Variants in B3GNT6 observed in about 807,000 individuals in gnomAD.
B3GNT6 encodes the protein acetylgalactosaminyl-O-glycosyl-glycoprotein beta-1,3-N-acetylglucosaminyltransferase.
For synonymous variants in B3GNT6, 300 were observed against 270.0 expected, an observed-to-expected ratio of 1.11 and a Z score of -1.09; for missense variants, 624 against 568.6, an observed-to-expected ratio of 1.10 and a Z score of -0.99.
chr11:77,039,699 G>A lies in B3GNT6; in HGVS notation c.148G>A (p.Gly50Ser). The change falls in exon 2 of 2, where the codon GGT (glycine) becomes AGT (serine). Residue 50 changes from glycine (G) to serine (S), a missense_variant. Physicochemically the swap from Gly to Ser is moderately conservative, Grantham distance 56. Coordinates refer to ENST00000622824, the MANE Select transcript of B3GNT6 (RefSeq NM_138706.5). Reference protein sequence around the residue: ...ERSPQEETPEGPTDAPAADEP... With the variant: ...ERSPQEETPESPTDAPAADEP... Reference sequence around the variant, plus strand: ...GTCCCCGCAGGAGGAGACGCCAGAGGGTCCCACCGACGCTCCCGCGGCTGA... The same window carrying A: ...GTCCCCGCAGGAGGAGACGCCAGAGAGTCCCACCGACGCTCCCGCGGCTGA... 1 of 1,610,232 alleles carries A rather than the reference G, an allele frequency of 6.2e-7. No individual in the cohort carries two copies. The highest frequency in any genetic ancestry group is 8.5e-7 in the Non-Finnish European group (1 of 1,178,936).
At chr11:77,037,201 G>C (rs1949639475) in intron 1 of B3GNT6, 1 of 152,242 alleles carries the variant, frequency 6.6e-6, no homozygotes, top group Non-Finnish European at 1.5e-5. Flanking sequence ...GGTCGGCCGA[G>C]AGCAAGATGG....
intron 1 of B3GNT6, among the ~76,000 whole-genome samples, chr11:77,037,609 T>A (rs1949643029): frequency 6.6e-6 from 1 of 151,780 alleles, no homozygotes; most frequent in Admixed American, 6.6e-5. Context: ...CCTTCCACTA[T>A]TAAAGGTTAT....
chr11:77,036,185 G>T (rs1949631774), intron 1 of B3GNT6, among the ~76,000 whole-genome samples: 1 of 152,024 alleles, frequency 6.6e-6, no homozygotes. Context: ...CCCCAAATGT[G>T]CCAGGCACAG....
In B3GNT6 at chr11:77,036,316, C is replaced by T. The variant is rs138201553; in HGVS notation, c.-1+1838C>T. 5.3e-3 allele frequency among the ~76,000 whole-genome samples: 806 copies of T among 152,250 alleles called. 5 individuals are homozygous for T. The highest frequency in any genetic ancestry group is 9.1e-3 in the Non-Finnish European group (619 of 68,022). On this transcript the variant is annotated intron_variant, in intron 1 of 1. Coordinates refer to ENST00000622824, the MANE Select transcript of B3GNT6 (RefSeq NM_138706.5). ...GTGAAGAGCAATATACTATATAATA[C>T]TCTAGTATTTCTTATCAGCACTCAG...
Position 77,039,577 on chromosome 11 carries a change from T to C in B3GNT6, c.26T>C (p.Leu9Pro). 6.3e-7 allele frequency: 1 copy of C among 1,590,008 alleles called. No individual in the cohort carries two copies. Among genetic ancestry groups the C allele is most frequent in the Non-Finnish European group, 8.6e-7 (1 of 1,168,592 alleles). The change falls in exon 2 of 2, where the codon CTG becomes CCG. Residue 9 changes from leucine (L) to proline (P), a missense_variant. By Grantham distance (98) the Leu-to-Pro change is moderately conservative. Transcript: ENST00000622824. The part of the protein sequence containing the change: MAFPCRRS[L>P]TAKTLACLLV... ...ATGGCTTTTCCCTGCCGCAGGTCCC[T>C]GACTGCCAAGACTCTGGCCTGCCTC...
rs1555027608 is a variant in B3GNT6 at position 77,040,140 on chromosome 11, C to G, written c.589C>G (p.Leu197Val). ...GGCCTTCGCGGACACCTTCCTCAAC[C>G]TCACGCTCAAGCACCTGCACTTGCT... ...QWAFADTFLN[L>V]TLKHLHLLDW... is the part of the protein sequence containing the mutation. The change falls in exon 2 of 2, where the codon CTC becomes GTC. Residue 197 changes from leucine (L) to valine (V), a missense_variant. By Grantham distance (32) the Leu-to-Val change is conservative. Transcript: ENST00000622824. 6.3e-7 allele frequency: 1 copy of G among 1,599,016 alleles called. No homozygotes were observed. Among genetic ancestry groups the G allele is most frequent in the Non-Finnish European group, 8.5e-7 (1 of 1,179,440 alleles).
Position 77,039,763 on chromosome 11 carries a change from T to TGGCGAACGCCTC in B3GNT6, c.223_234dup (p.Ser75_Ala78dup), listed in dbSNP as rs782352908. The TGGCGAACGCCTC allele has an allele frequency of 1.9e-6, 3 of 1,592,586 alleles. No homozygotes were observed. Among genetic ancestry groups the TGGCGAACGCCTC allele is most frequent in the Admixed American group, 1.7e-5 (1 of 57,488 alleles). ...GAGCTCGTCCCCGGGCCCCCGTGCG[T>TGGCGAACGCCTC]GGCGAACGCCTCGGCGAACGCCACG... On this transcript the variant is annotated inframe_insertion, in exon 2 of 2. Transcript: ENST00000622824.
rs781853436 is a variant in B3GNT6, at chr11:77,040,174, T to A, written c.623T>A (p.Leu208Gln). 1 of 1,599,292 alleles carries A rather than the reference T, an allele frequency of 6.3e-7. No individual in the cohort carries two copies. Among genetic ancestry groups the A allele is most frequent in the African/African-American group, 1.3e-5 (1 of 74,878 alleles). Reference sequence around the variant, plus strand: ...AAGCACCTGCACTTGCTCGACTGGCTGGCTGCACGCTGCCCGCACGCGCGC... The same window carrying A: ...AAGCACCTGCACTTGCTCGACTGGCAGGCTGCACGCTGCCCGCACGCGCGC... ...TLKHLHLLDWLAARCPHARFL... is the reference protein window; with the variant it reads ...TLKHLHLLDWQAARCPHARFL... The change falls in exon 2 of 2, where the codon CTG becomes CAG. Residue 208 changes from leucine to glutamine, a missense_variant. Physicochemically the swap from Leu to Gln is moderately radical, Grantham distance 113 (BLOSUM62 -2). Transcript: ENST00000622824.
chr11:77,034,483 G>T lies in B3GNT6; in HGVS notation c.-1+5G>T. Reference sequence around the variant, plus strand: ...CTTCTCTCTCAGAGACTGCAGGTAAGCTGGGGGCCTGGGCTTCTTCCTATT... The same window carrying T: ...CTTCTCTCTCAGAGACTGCAGGTAATCTGGGGGCCTGGGCTTCTTCCTATT... On this transcript the variant is annotated splice_donor_5th_base_variant and intron_variant, in intron 1 of 1. Transcript: ENST00000622824. 6.5e-6 allele frequency: 1 copy of T among 152,858 alleles called. No homozygotes were observed. The highest frequency in any genetic ancestry group is 1.5e-5 in the Non-Finnish European group (1 of 68,166). The allele number at this position is 152,858 out of a possible 1,614,324, so 9.5% of individuals were successfully genotyped here.
intron 1 of B3GNT6, among the ~76,000 whole-genome samples, chr11:77,035,499 C>T (rs1240773213): frequency 1.3e-5 from 2 of 152,218 alleles, no homozygotes; most frequent in African/African-American, 4.8e-5. Context: ...GATTTGTCCT[C>T]TTTACCAAAC....
rs781832323 is a variant in B3GNT6 at position 77,039,608 on chromosome 11, G to A, written c.57G>A (p.Val19=). Residue 19 remains valine, a synonymous_variant, in exon 2 of 2, where the codon GTG becomes GTA. Coordinates refer to ENST00000622824, the MANE Select transcript of B3GNT6 (RefSeq NM_138706.5). ...LTAKTLACLL[V]GVSFLALQQW... is the part of the protein sequence containing the mutation. ...CCAAGACTCTGGCCTGCCTCCTGGTGGGCGTGAGTTTCTTAGCACTGCAGC... is the reference window on the plus strand; with the variant it reads ...CCAAGACTCTGGCCTGCCTCCTGGTAGGCGTGAGTTTCTTAGCACTGCAGC... 1.2e-6 allele frequency: 2 copies of A among 1,610,506 alleles called. No homozygotes were observed. Among genetic ancestry groups the A allele is most frequent in the Non-Finnish European group, 1.7e-6 (2 of 1,178,562 alleles).
At chr11:77,038,368 T>C (rs1021772691) in intron 1 of B3GNT6, among the ~76,000 whole-genome samples, 1 of 141,786 alleles carries the variant, frequency 7.1e-6, no homozygotes, top group Middle Eastern at 3.4e-3. Flanking sequence ...AAGACCAGAC[T>C]GGGCAATATA....
chr11:77,039,538 G>C lies in B3GNT6; in HGVS notation c.1-14G>C. 3 of 1,557,396 alleles carry C rather than the reference G, an allele frequency of 1.9e-6. No individual in the cohort carries two copies. The highest frequency in any genetic ancestry group is 1.7e-6 in the Non-Finnish European group (2 of 1,151,764). On this transcript the variant is annotated splice_polypyrimidine_tract_variant and intron_variant, in intron 1 of 1. Coordinates refer to ENST00000622824, the MANE Select transcript of B3GNT6 (RefSeq NM_138706.5). ...ACGACTTCCGGCTCACCTCTGACTCGGTTTCCCCCACAGATGGCTTTTCCC... is the reference window on the plus strand; with the variant it reads ...ACGACTTCCGGCTCACCTCTGACTCCGTTTCCCCCACAGATGGCTTTTCCC...
rs554363667 is a variant in B3GNT6 at position 77,039,014 on chromosome 11, C to G, written c.1-538C>G. On this transcript the variant is annotated intron_variant, in intron 1 of 1. Coordinates refer to ENST00000622824, the MANE Select transcript of B3GNT6 (RefSeq NM_138706.5). ...GAAGTGGGGATGGCAGAATTCGGCT[C>G]TGGGTCTGAGTTCAGTGCTATCACC... Among the ~76,000 whole-genome samples the G allele has an allele frequency of 8.5e-5, 13 of 152,322 alleles. No homozygotes were observed. In the South Asian group the frequency reaches 2.3e-3, roughly 27 times the overall value.
chr11:77,040,224 G>T lies in B3GNT6; in HGVS notation c.673G>T (p.Val225Leu). 1.3e-6 allele frequency: 2 copies of T among 1,599,114 alleles called. No homozygotes were observed. Among genetic ancestry groups the T allele is most frequent in the Middle Eastern group, 1.7e-4 (1 of 6,058 alleles). The change falls in exon 2 of 2, where the codon GTG (valine) becomes TTG (leucine). Residue 225 changes from valine to leucine, a missense_variant. Val to Leu is a conservative substitution (Grantham distance 32, BLOSUM62 1). Coordinates refer to ENST00000622824, the MANE Select transcript of B3GNT6 (RefSeq NM_138706.5). Reference protein sequence around the residue: ...ARFLLSGDDDVFVHTANVVRF... With the variant: ...ARFLLSGDDDLFVHTANVVRF... ...CTTTCTGCTCAGCGGCGACGACGAC[G>T]TGTTCGTGCACACCGCCAACGTAGT...
Position 77,040,381 on chromosome 11 carries a change from C to G in B3GNT6, c.830C>G (p.Pro277Arg). 6.5e-7 allele frequency: 1 copy of G among 1,535,032 alleles called. No individual in the cohort carries two copies. Residue 277 changes from proline (P) to arginine (R), a missense_variant, in exon 2 of 2, where the codon CCG becomes CGG. Transcript: ENST00000622824. ...PPQLFPGSAY[P>R]VYCSGGGFLL... is the part of the protein sequence containing the mutation. Reference sequence around the variant, plus strand: ...CAGCTCTTCCCCGGGTCCGCTTACCCGGTGTACTGCAGCGGCGGCGGCTTC... The same window carrying G: ...CAGCTCTTCCCCGGGTCCGCTTACCGGGTGTACTGCAGCGGCGGCGGCTTC...
Position 77,040,278 on chromosome 11 carries a change from C to G in B3GNT6, c.727C>G (p.Arg243Gly), listed in dbSNP as rs374076293. 1 of 1,595,114 alleles carries G rather than the reference C, an allele frequency of 6.3e-7. No homozygotes were observed. The highest frequency in any genetic ancestry group is 8.5e-7 in the Non-Finnish European group (1 of 1,178,194). ...CTTCCTGCAGGCGCAGCCACCCGGCCGCCACCTGTTCTCCGGCCAGCTCAT... is the reference window on the plus strand; with the variant it reads ...CTTCCTGCAGGCGCAGCCACCCGGCGGCCACCTGTTCTCCGGCCAGCTCAT... Reference protein sequence around the residue: ...VRFLQAQPPGRHLFSGQLMEG... With the variant: ...VRFLQAQPPGGHLFSGQLMEG... The change falls in exon 2 of 2, where the codon CGC (arginine) becomes GGC (glycine). Residue 243 changes from arginine (R) to glycine (G), a missense_variant. Arg to Gly is a moderately radical substitution (Grantham distance 125). Coordinates refer to ENST00000622824, the MANE Select transcript of B3GNT6 (RefSeq NM_138706.5).
In B3GNT6 at chr11:77,040,383, G is replaced by A; in HGVS notation, c.832G>A (p.Val278Met). ...PQLFPGSAYP[V>M]YCSGGGFLLS... ...GCTCTTCCCCGGGTCCGCTTACCCG[G>A]TGTACTGCAGCGGCGGCGGCTTCCT... The change falls in exon 2 of 2, where the codon GTG becomes ATG. Residue 278 changes from valine (V) to methionine (M), a missense_variant. Val to Met is a conservative substitution (Grantham distance 21). Coordinates refer to ENST00000622824, the MANE Select transcript of B3GNT6 (RefSeq NM_138706.5). 6.5e-7 allele frequency: 1 copy of A among 1,534,902 alleles called. No individual in the cohort carries two copies. Among genetic ancestry groups the A allele is most frequent in the Non-Finnish European group, 8.7e-7 (1 of 1,146,238 alleles).
chr11:77,040,835 G>C lies in B3GNT6; in HGVS notation c.*129G>C. On this transcript the variant is annotated 3_prime_UTR_variant, in exon 2 of 2. Coordinates refer to ENST00000622824, the MANE Select transcript of B3GNT6 (RefSeq NM_138706.5). The stretch of plus-strand genomic sequence containing the variant: ...GAACCCCAGCTGCGCACTGAAATCA[G>C]CTGGGGTGGGGGGTGTGGAAAATGC... 5 of 1,370,282 alleles carry C rather than the reference G, an allele frequency of 3.6e-6. 1 individual carries two copies. The South Asian group carries it at 6.5e-5, about 18-fold the overall frequency. 84.9% of individuals were successfully genotyped at this position (1,370,282 alleles called of 1,614,324 possible).
Sources: allele counts gnomAD v4.1 joint callset (sites outside exome capture counted in the v4.1 genomes callset), GRCh38; gene constraint gnomAD v4.1.1; transcripts MANE v1.5; gene names NCBI Gene and HGNC (gene_info 2026-07-23, HGNC 2026-07-21).